The following LINGO2 variants were observed in gnomAD, a reference collection of about 807,000 sequenced individuals.
LINGO2 encodes leucine rich repeat and Ig domain containing 2, also known as leucine-rich repeat and immunoglobulin-like domain-containing nogo receptor-interacting protein 2.
In LINGO2, 14 loss-of-function variants were observed where a neutral mutation model predicts 30.6. The observed-to-expected ratio is 0.46, with a 90% CI of 0.30 to 0.72. The LOEUF is 0.72. Among genes scored for constraint, LINGO2 ranks in the 30% least tolerant of loss-of-function variants. The pLI, the probability that LINGO2 is intolerant of heterozygous loss-of-function variation, is 0.07. For synonymous variants in LINGO2, 317 were observed against 288.5 expected (o/e 1.10, Z -1.00); for missense variants, 729 against 751.7 (o/e 0.97, Z 0.35).
the LINGO2 span, among the ~76,000 whole-genome samples, chr9:28,795,401 A>T: frequency 6.6e-6 from 1 of 152,148 alleles, no homozygotes; most frequent in Non-Finnish European, 1.5e-5. Flanking sequence ...AGCCCAGAAA[A>T]AGCAGCGTTA....
At chr9:28,432,538 T>G (rs1342254325) in intron 2 of LINGO2, among the ~76,000 whole-genome samples, 1 of 152,052 alleles carries the variant, frequency 6.6e-6, no homozygotes, top group African/African-American at 2.4e-5. Flanking sequence ...AGTTTCCACT[T>G]CCTATTAACT....
intron 5 of LINGO2, among the ~76,000 whole-genome samples, chr9:27,998,869 A>C (rs1821800895): frequency 6.6e-6 from 1 of 152,174 alleles, no homozygotes; most frequent in Non-Finnish European, 1.5e-5. Context: ...ATGAGAGAGA[A>C]GAGTAAACTA....
At chr9:28,200,732 C>G (rs1307835140) in intron 4 of LINGO2, among the ~76,000 whole-genome samples, 2 of 151,982 alleles carry the variant, frequency 1.3e-5, no homozygotes, top group African/African-American at 4.8e-5. Context: ...AAATAAGTAC[C>G]CTCCAGTCAT....
intron 5 of LINGO2, among the ~76,000 whole-genome samples, chr9:27,957,374 AC>A (rs1227197108): frequency 2.6e-5 from 4 of 151,964 alleles, no homozygotes; most frequent in South Asian, 2.1e-4. Context: ...GCTCACTGCA[AC>A]CTCCGACTCC....
intron 5 of LINGO2, among the ~76,000 whole-genome samples, chr9:27,981,546 AAAAAG>A (rs1820862112): frequency 5.8e-5 from 7 of 121,682 alleles, no homozygotes; most frequent in Non-Finnish European, 8.7e-5. Context: ...AAAAAAAAAA[AAAAAG>A]AAAAAAAAGA....
intron 4 of LINGO2, among the ~76,000 whole-genome samples, chr9:28,201,078 CT>C (rs199805525): frequency 0.088 from 12,031 of 137,370 alleles, 653 homozygotes; most frequent in East Asian, 0.22. Context: ...TATCTTTTTT[CT>C]TTTTTTTTTT....
chr9:28,544,445 A>T (rs1821842328), intron 1 of LINGO2, among the ~76,000 whole-genome samples: 1 of 152,136 alleles, frequency 6.6e-6, no homozygotes, highest in African/African-American at 2.4e-5. Flanking sequence ...ACACTGACTG[A>T]TATACCAGGT....
chr9:28,323,853 T>C (rs1397067301), intron 3 of LINGO2, among the ~76,000 whole-genome samples: 1 of 152,088 alleles, frequency 6.6e-6, no homozygotes, highest in Non-Finnish European at 1.5e-5. Flanking sequence ...AAGAAGCTGA[T>C]AGAAATAATG....
chr9:28,423,714 A>C (rs1348135495), intron 2 of LINGO2, among the ~76,000 whole-genome samples: 2 of 152,124 alleles, frequency 1.3e-5, no homozygotes, highest in Non-Finnish European at 2.9e-5. Flanking sequence ...TTTTATATAA[A>C]TATGAGCTGT....
chr9:28,664,969 C>T lies in LINGO2; in HGVS notation c.-365+5231G>A, dbSNP rs564106815. Among the ~76,000 whole-genome samples the T allele has an allele frequency of 5.5e-5, 7 of 128,238 alleles. No individual in the cohort carries two copies. In the South Asian group the frequency reaches 1.7e-3, roughly 31 times the overall value. The allele number at this position is 128,238 out of a possible 152,430, so 84.1% of individuals were successfully genotyped here. The stretch of plus-strand genomic sequence containing the variant: ...ATAAGGTCTATGACAACAAGGACTT[C>T]ATCTGTATTATTTATGTATGTGTTT... On this transcript the variant is annotated intron_variant, in intron 1 of 5. Coordinates refer to ENST00000379992, the Ensembl canonical transcript of LINGO2.
intron 1 of LINGO2, among the ~76,000 whole-genome samples, chr9:28,532,705 A>C (rs1821280817): frequency 6.6e-6 from 1 of 152,100 alleles, no homozygotes; most frequent in African/African-American, 2.4e-5. Flanking sequence ...GAGAAAGGAA[A>C]GTTAACCAGC....
chr9:28,507,796 A>G (rs1363890750), intron 1 of LINGO2, among the ~76,000 whole-genome samples: 1 of 152,096 alleles, frequency 6.6e-6, no homozygotes, highest in Non-Finnish European at 1.5e-5. Flanking sequence ...TATTAAAAAG[A>G]TTTATAATGA....
chr9:27,941,468 C>T, the LINGO2 span: 1 of 152,066 alleles, frequency 6.6e-6, no homozygotes, highest in Non-Finnish European at 1.5e-5. Flanking sequence ...AGCAAAGGGA[C>T]CTTTTCTGGT....
the LINGO2 span, among the ~76,000 whole-genome samples, chr9:28,902,991 C>G: frequency 6.7e-6 from 1 of 149,094 alleles, no homozygotes; most frequent in African/African-American, 2.5e-5. Flanking sequence ...CAAACTAAAC[C>G]TAAAGTTAGT....
intron 5 of LINGO2, among the ~76,000 whole-genome samples, chr9:27,955,937 T>G (rs968034361): frequency 0.02 from 1,214 of 60,364 alleles, 16 homozygotes; most frequent in African/African-American, 0.1. Context: ...GATACTGACT[T>G]TTTTTTTTTT....
chr9:28,341,988 C>G (rs1376538925), intron 3 of LINGO2, among the ~76,000 whole-genome samples: 1 of 152,088 alleles, frequency 6.6e-6, no homozygotes, highest in Non-Finnish European at 1.5e-5. Flanking sequence ...GATGAATGCT[C>G]AAGCCTTCTT....
At chr9:28,527,826 G>C (rs1436350119) in intron 1 of LINGO2, among the ~76,000 whole-genome samples, 1 of 152,146 alleles carries the variant, frequency 6.6e-6, no homozygotes, top group African/African-American at 2.4e-5. Context: ...GTCTGCACCT[G>C]ACCTGGAACA....
At chr9:28,786,776 C>A in the LINGO2 span, among the ~76,000 whole-genome samples, 1 of 151,908 alleles carries the variant, frequency 6.6e-6, no homozygotes, top group South Asian at 2.1e-4. Flanking sequence ...GTAAGAAGAA[C>A]TGAAATAACA....
chr9:29,051,540 C>G, the LINGO2 span, among the ~76,000 whole-genome samples: 1 of 152,080 alleles, frequency 6.6e-6, no homozygotes, highest in Non-Finnish European at 1.5e-5. Context: ...GTAAAACCTA[C>G]AGTTCTAAAT....
Sources: gnomAD v4.1 joint callset for allele counts (sites outside exome capture counted in the v4.1 genomes callset) on GRCh38, gnomAD v4.1.1 for gene constraint, MANE v1.5 for transcripts, NCBI Gene and HGNC (gene_info 2026-07-23, HGNC 2026-07-21) for gene names.